The following PCDH9 variants were observed in gnomAD, a reference collection of about 807,000 sequenced individuals.
PCDH9 encodes protocadherin 9.
In PCDH9, 24 loss-of-function variants were observed where a neutral mutation model predicts 70.6. The ratio of observed to expected loss-of-function variants is 0.34; its 90% confidence interval spans 0.25 to 0.48. PCDH9 has a LOEUF of 0.48. Ranked by LOEUF, PCDH9 falls within the 20% of genes least tolerant of loss-of-function variation. The pLI, the probability that PCDH9 is intolerant of heterozygous loss-of-function variation, is 0.99. For missense variants in PCDH9, 1,281 were observed against 1,503.6 expected, an observed-to-expected ratio of 0.85 and a Z score of 2.45; for synonymous variants, 562 against 558.5, an observed-to-expected ratio of 1.01 and a Z score of -0.09.
chr13:66,355,315 GCAA>G (rs1282756107), intron 4 of PCDH9, among the ~76,000 whole-genome samples: 7 of 152,060 alleles, frequency 4.6e-5, no homozygotes, highest in Non-Finnish European at 1.0e-4. Flanking sequence ...CATACTGGGT[GCAA>G]CAGAATATTT....
chr13:66,624,225 T>TA (rs1361010266), intron 4 of PCDH9, among the ~76,000 whole-genome samples: 4 of 152,202 alleles, frequency 2.6e-5, no homozygotes, highest in Admixed American at 2.6e-4. Context: ...TATATTTGTT[T>TA]AAAAAATAAG....
chr13:67,031,981 G>T (rs1045617456), intron 2 of PCDH9, among the ~76,000 whole-genome samples: 2 of 152,218 alleles, frequency 1.3e-5, no homozygotes, highest in Middle Eastern at 3.4e-3. Context: ...TTGAAAAAAT[G>T]TTCAAATAAG....
intron 3 of PCDH9, among the ~76,000 whole-genome samples, chr13:66,652,184 A>T (rs1353166291): frequency 6.6e-6 from 1 of 152,098 alleles, no homozygotes; most frequent in African/African-American, 2.4e-5. Flanking sequence ...AATAAAGGGC[A>T]TCCACACTGG....
chr13:66,445,687 ATATACACATATATATTATG>A lies in PCDH9; in HGVS notation c.3341-140678_3341-140660del, dbSNP rs1390068985. Among the ~76,000 whole-genome samples, 19 of 145,336 alleles carry A rather than the reference ATATACACATATATATTATG, an allele frequency of 1.3e-4. No individual in the cohort carries two copies. The East Asian group carries it at 2.5e-3, about 19-fold the overall frequency. On this transcript the variant is annotated intron_variant, in intron 4 of 4. Coordinates refer to ENST00000377865, the MANE Select transcript of PCDH9 (RefSeq NM_203487.3). ...TATATTATGTATACACATATATAAT[ATATACACATATATATTATG>A]TATACACATATATAATACATACACA...
In PCDH9 at chr13:66,920,295, C is replaced by T. The variant is rs191339544; in HGVS notation, c.3037-16690G>A. The stretch of plus-strand genomic sequence containing the variant: ...AAGTATCCCAAAATTGAATAGGTTT[C>T]CAGGTAAAAAAGGAAAAGCTTAACT... On this transcript the variant is annotated intron_variant, in intron 2 of 4. Transcript: ENST00000377865. 3.1e-3 allele frequency among the ~76,000 whole-genome samples: 467 copies of T among 151,118 alleles called. 1 individual carries two copies. The highest frequency in any genetic ancestry group is 0.017 in the Middle Eastern group (5 of 294).
chr13:66,367,817 G>T lies in PCDH9; in HGVS notation c.3341-62789C>A, dbSNP rs531070761. Among the ~76,000 whole-genome samples the T allele has an allele frequency of 1.4e-4, 22 of 152,220 alleles. No individual in the cohort carries two copies. The East Asian group carries it at 4.3e-3, about 29-fold the overall frequency. On this transcript the variant is annotated intron_variant, in intron 4 of 4. Transcript: ENST00000377865. ...CCATTGAAATATCTTTGAAGAGGAT[G>T]TGATGAAGTTTGCCTTTAAAAAATA...
intron 4 of PCDH9, among the ~76,000 whole-genome samples, chr13:66,629,249 T>G (rs1200007251): frequency 6.6e-6 from 1 of 152,178 alleles, no homozygotes; most frequent in African/African-American, 2.4e-5. Flanking sequence ...GTGCAACTGT[T>G]TTTTAAATGG....
At chr13:66,971,062 A>G (rs924703877) in intron 2 of PCDH9, among the ~76,000 whole-genome samples, 1 of 152,008 alleles carries the variant, frequency 6.6e-6, no homozygotes, top group Non-Finnish European at 1.5e-5. Flanking sequence ...TTCTAACCAC[A>G]GTTCTGCATA....
At chr13:66,948,520 C>T (rs1240708779) in intron 2 of PCDH9, among the ~76,000 whole-genome samples, 5 of 149,366 alleles carry the variant, frequency 3.3e-5, no homozygotes, top group African/African-American at 9.8e-5. Flanking sequence ...TTCTTGAGTA[C>T]GTATAGTGAT....
At chr13:66,500,871 T>G (rs1959173590) in intron 4 of PCDH9, among the ~76,000 whole-genome samples, 1 of 152,140 alleles carries the variant, frequency 6.6e-6, no homozygotes, top group African/African-American at 2.4e-5. Flanking sequence ...ACTCTCCGTA[T>G]GTCAGGGCAA....
At chr13:66,905,640 TTAAAA>T (rs1231923062) in intron 2 of PCDH9, among the ~76,000 whole-genome samples, 3 of 152,182 alleles carry the variant, frequency 2.0e-5, no homozygotes, top group African/African-American at 4.8e-5. Flanking sequence ...TTCTTCCTTT[TTAAAA>T]TTTAACCCAT....
At chr13:66,497,358 A>G (rs1285525629) in intron 4 of PCDH9, among the ~76,000 whole-genome samples, 1 of 152,064 alleles carries the variant, frequency 6.6e-6, no homozygotes, top group Non-Finnish European at 1.5e-5. Context: ...TTTTTAATAA[A>G]TATGTTAGAC....
intron 3 of PCDH9, among the ~76,000 whole-genome samples, chr13:66,775,852 G>A (rs145361030): frequency 8.0e-4 from 121 of 152,200 alleles, no homozygotes; most frequent in African/African-American, 2.7e-3. Context: ...ATGCTGTTCA[G>A]CGTTCAACTG....
At chr13:66,419,780 T>C (rs1428521295) in intron 4 of PCDH9, among the ~76,000 whole-genome samples, 1,520 of 133,272 alleles carry the variant, frequency 0.011, 14 homozygotes, top group African/African-American at 0.025. Flanking sequence ...TTTTTTTTTT[T>C]CCCCCAGTGG....
intron 4 of PCDH9, among the ~76,000 whole-genome samples, chr13:66,534,176 A>T (rs1027707566): frequency 1.3e-5 from 2 of 152,166 alleles, no homozygotes; most frequent in African/African-American, 4.8e-5. Flanking sequence ...GATATTCTCT[A>T]GGACTAAAAG....
chr13:66,806,267 T>C (rs80268300), intron 3 of PCDH9, among the ~76,000 whole-genome samples: 2,029 of 152,272 alleles, frequency 0.013, 36 homozygotes, highest in African/African-American at 0.045. Context: ...AGTGATTCAG[T>C]GTTACCAGAA....
At chr13:66,589,943 C>G (rs932585446) in intron 4 of PCDH9, among the ~76,000 whole-genome samples, 2 of 151,682 alleles carry the variant, frequency 1.3e-5, no homozygotes, top group Non-Finnish European at 2.9e-5. Flanking sequence ...CAAATTATTC[C>G]ATGTGGTTCT....
intron 4 of PCDH9, among the ~76,000 whole-genome samples, chr13:66,310,395 C>G (rs2138062316): frequency 6.6e-6 from 1 of 152,096 alleles, no homozygotes; most frequent in South Asian, 2.1e-4. Flanking sequence ...AAGTGTAAAA[C>G]AATTCAAGTT....
rs563289790 is a variant in PCDH9, at chr13:67,000,334, G to A, written c.3037-96729C>T. 4.9e-3 allele frequency among the ~76,000 whole-genome samples: 686 copies of A among 141,062 alleles called. 1 individual carries two copies. The highest frequency in any genetic ancestry group is 0.017 in the African/African-American group (626 of 37,862). 92.5% of individuals were successfully genotyped at this position (141,062 alleles called of 152,430 possible). On this transcript the variant is annotated intron_variant, in intron 2 of 4. Transcript: ENST00000377865. ...ACATCACACTCTGGGGACTGTTGTG[G>A]GGTGGGGGAGGGGGGAGGGATAGCA...
Sources: gnomAD v4.1 joint callset for allele counts (sites outside exome capture counted in the v4.1 genomes callset) on GRCh38, gnomAD v4.1.1 for gene constraint, MANE v1.5 for transcripts, NCBI Gene and HGNC (gene_info 2026-07-23, HGNC 2026-07-21) for gene names.